Variants in CSPG5 observed in about 807,000 individuals in gnomAD.
CSPG5 encodes the protein chondroitin sulfate proteoglycan 5.
A neutral mutation model predicts 39.8 loss-of-function variants in CSPG5; 25 were observed. That is an observed-to-expected ratio of 0.63 (90% CI 0.46 to 0.88). CSPG5 has a LOEUF of 0.88. Among genes scored for constraint, CSPG5 ranks in the 40% least tolerant of loss-of-function variants. The pLI is 0.00. For missense variants in CSPG5, 627 were observed against 702.2 expected (o/e 0.89, Z 1.21); for synonymous variants, 295 against 303.9 (o/e 0.97, Z 0.31).
chr3:47,569,236 G>T lies in CSPG5; in HGVS notation c.1383-9C>A. On this transcript the variant is annotated splice_polypyrimidine_tract_variant and intron_variant, in intron 3 of 4. Coordinates refer to ENST00000264723, the MANE Select transcript of CSPG5 (RefSeq NM_006574.4). ...ATGGGGTCCGGAATTTGCTGGTTAGGAGAGAAGAGTGAAGGAAACATGTAA... is the reference window on the plus strand; with the variant it reads ...ATGGGGTCCGGAATTTGCTGGTTAGTAGAGAAGAGTGAAGGAAACATGTAA... The T allele has an allele frequency of 6.2e-7, 1 of 1,613,038 alleles. No individual in the cohort carries two copies. The highest frequency in any genetic ancestry group is 8.5e-7 in the Non-Finnish European group (1 of 1,179,234).
At chr3:47,566,764 G>C (rs2031316278) in intron 4 of CSPG5, among the ~76,000 whole-genome samples, 1 of 152,178 alleles carries the variant, frequency 6.6e-6, no homozygotes, top group African/African-American at 2.4e-5. Context: ...CTAAGGGATG[G>C]CTTGAGTGCC....
At chr3:47,570,746 T>C (rs1368754119) in intron 3 of CSPG5, among the ~76,000 whole-genome samples, 1 of 152,082 alleles carries the variant, frequency 6.6e-6, no homozygotes, top group East Asian at 1.9e-4. Context: ...GACCTCGTGA[T>C]CCACCCATCG....
In CSPG5 at chr3:47,562,460, A is replaced by T; in HGVS notation, c.*140T>A. 1.1e-6 allele frequency: 1 copy of T among 876,786 alleles called. No individual in the cohort carries two copies. The highest frequency in any genetic ancestry group is 1.7e-6 in the Non-Finnish European group (1 of 577,174). The allele number at this position is 876,786 out of a possible 1,614,324, so 54.3% of individuals were successfully genotyped here. A position where few individuals can be genotyped will look rare whatever the true frequency, so the allele number is the denominator to read the frequency against. ...TATTTTTTTGCCTCCTGTACAAAAT[A>T]CATAAAAGCATGCCATGAGATCAGA... On this transcript the variant is annotated 3_prime_UTR_variant, in exon 5 of 5. Coordinates refer to ENST00000264723, the MANE Select transcript of CSPG5 (RefSeq NM_006574.4).
Position 47,576,963 on chromosome 3 carries a change from T to G in CSPG5, c.1063A>C (p.Asn355His). ...EPGRDLASSE[N>H]GTECRSGFVR... is the part of the protein sequence containing the mutation. ...AAGCCACTGCGGCACTCAGTGCCATTTTCACTGGAGGCCAAGTCCCTGCCT... is the reference window on the plus strand; with the variant it reads ...AAGCCACTGCGGCACTCAGTGCCATGTTCACTGGAGGCCAAGTCCCTGCCT... The change falls in exon 2 of 5, where the codon AAT (asparagine) becomes CAT (histidine). Residue 355 changes from asparagine (N) to histidine (H), a missense_variant. By Grantham distance (68) the Asn-to-His change is moderately conservative. Transcript: ENST00000264723. 6.2e-7 allele frequency: 1 copy of G among 1,613,760 alleles called. No individual in the cohort carries two copies. The highest frequency in any genetic ancestry group is 8.5e-7 in the Non-Finnish European group (1 of 1,179,806).
At position 47,577,672 on chromosome 3, in the gene CSPG5, G is replaced by A. The variant is rs1460279438; in HGVS notation, c.354C>T (p.Gly118=). The A allele has an allele frequency of 2.9e-5, 47 of 1,595,970 alleles. No homozygotes were observed. The highest frequency in any genetic ancestry group is 4.0e-5 in the Non-Finnish European group (47 of 1,173,650). Reference sequence around the variant, plus strand: ...GCGTAGCTGGAAGGGCCTGGGCATCGCCGCTGCCCGCCTCTGCGGTCACTC... The same window carrying A: ...GCGTAGCTGGAAGGGCCTGGGCATCACCGCTGCCCGCCTCTGCGGTCACTC... ...LGGVTAEAGS[G]DAQALPATLQ... is the part of the protein sequence containing the mutation. The change falls in exon 2 of 5, where the codon GGC becomes GGT. Residue 118 remains glycine, a synonymous_variant. Coordinates refer to ENST00000264723, the MANE Select transcript of CSPG5 (RefSeq NM_006574.4). The surrounding 1 kb of genome is among the most constrained non-coding windows in gnomAD (Gnocchi z 4.7).
At chr3:47,562,881 T>C (rs2031142086) in intron 4 of CSPG5, 120 bp from the exon 5 acceptor site, 3 of 1,098,346 alleles carry the variant, frequency 2.7e-6, no homozygotes, top group Non-Finnish European at 2.5e-6. Context: ...GCTCCAAGAC[T>C]TGAATGAACT....
chr3:47,567,447 A>G (rs558123302), intron 4 of CSPG5, among the ~76,000 whole-genome samples: 4 of 152,084 alleles, frequency 2.6e-5, no homozygotes, highest in African/African-American at 9.6e-5. Context: ...AGTTTATAAG[A>G]CATAGTGTTT....
Position 47,576,908 on chromosome 3 carries a change from A to C in CSPG5, c.1118T>G (p.Val373Gly), listed in dbSNP as rs1434909045. 6.2e-7 allele frequency: 1 copy of C among 1,608,848 alleles called. No homozygotes were observed. The highest frequency in any genetic ancestry group is 8.5e-7 in the Non-Finnish European group (1 of 1,176,846). Residue 373 changes from valine to glycine, a missense_variant, in exon 2 of 5, where the codon GTG (valine) becomes GGG (glycine). Val to Gly is a moderately radical substitution (Grantham distance 109). Transcript: ENST00000264723. ...FVRHNGSCRS[V>G]CDLFPSYCHN... ...ACAGTAACTTGGGAAGAGGTCGCAC[A>C]CTGACCGGCAGGAGCCGTTATGCCG...
chr3:47,562,782 G>GC, intron 4 of CSPG5, 21 bp from the exon 5 acceptor site: 1 of 1,566,942 alleles, frequency 6.4e-7, no homozygotes, highest in African/African-American at 1.4e-5. Flanking sequence ...GAAAAAGTTG[G>GC]GGGGGGGGAG....
rs1296316274 is a variant in CSPG5, at chr3:47,578,309, A to AGGCCCCGCCCCGGCCCCGCCCC, written c.97+266_97+287dup. On this transcript the variant is annotated intron_variant, in intron 1 of 4. Transcript: ENST00000264723. The surrounding 1 kb of genome is among the most constrained non-coding windows in gnomAD (Gnocchi z 6.0). ...GGTCCCGCCCCGAAGTCTCACCCTC[A>AGGCCCCGCCCCGGCCCCGCCCC]GGCCCCGCCCCGGCCCCGCCCCGGC... 2.6e-4 allele frequency among the ~76,000 whole-genome samples: 36 copies of AGGCCCCGCCCCGGCCCCGCCCC among 138,448 alleles called. No homozygotes were observed. In the South Asian group the frequency reaches 2.8e-3, roughly 11 times the overall value. The allele number at this position is 138,448 out of a possible 152,430, so 90.8% of individuals were successfully genotyped here. A position where few individuals can be genotyped will look rare whatever the true frequency, so the allele number is the denominator to read the frequency against.
intron 2 of CSPG5, among the ~76,000 whole-genome samples, chr3:47,574,678 G>A (rs778889468): frequency 3.9e-5 from 6 of 152,184 alleles, no homozygotes; most frequent in South Asian, 2.1e-4. Context: ...GGTGGCTCAC[G>A]CCTGTAATCC....
At chr3:47,579,737 A>G (rs2031922501), upstream of CSPG5, 1 of 152,170 alleles carries the variant, frequency 6.6e-6, no homozygotes, top group Non-Finnish European at 1.5e-5. This position sits in a 1 kb window ranked among gnomAD's most constrained non-coding sequence, Gnocchi z 4.2. Context: ...TTGGCTTTAG[A>G]GTGATCTGTG....
chr3:47,563,133 T>G (rs1234087121), intron 4 of CSPG5, among the ~76,000 whole-genome samples: 1 of 152,220 alleles, frequency 6.6e-6, no homozygotes, highest in Admixed American at 6.5e-5. Flanking sequence ...TCCTCTGGCC[T>G]TCCATCCTGT....
intron 4 of CSPG5, among the ~76,000 whole-genome samples, chr3:47,566,677 G>A (rs950004901): frequency 6.6e-6 from 1 of 152,134 alleles, no homozygotes; most frequent in Non-Finnish European, 1.5e-5. Flanking sequence ...CTGGGTATTT[G>A]GTTACAATAA....
At position 47,571,249 on chromosome 3, in the gene CSPG5, G is replaced by A. The variant is rs1285484004; in HGVS notation, c.1382+1437C>T. ...GTCACACCATCAAAGCAGTAACCAG[G>A]CTTGGGAAAGAAAGAAGGCATGTGG... On this transcript the variant is annotated intron_variant, in intron 3 of 4. Coordinates refer to ENST00000264723, the MANE Select transcript of CSPG5 (RefSeq NM_006574.4). Among the ~76,000 whole-genome samples, 3 of 152,202 alleles carry A rather than the reference G, an allele frequency of 2.0e-5. No homozygotes were observed. The East Asian group carries it at 5.8e-4, about 29-fold the overall frequency.
At chr3:47,567,959 T>C (rs1345893990) in intron 4 of CSPG5, among the ~76,000 whole-genome samples, 1 of 152,190 alleles carries the variant, frequency 6.6e-6, no homozygotes, top group Non-Finnish European at 1.5e-5. Context: ...CTGCACTGTG[T>C]AATGTGGTAG....
At chr3:47,576,552 G>A (rs560366955) in intron 2 of CSPG5, among the ~76,000 whole-genome samples, 7 of 149,698 alleles carry the variant, frequency 4.7e-5, no homozygotes, top group Admixed American at 4.0e-4. Context: ...TCCACCCTCC[G>A]GGTTCAAATG....
At chr3:47,579,267 G>A (rs1044959231), upstream of CSPG5, 7 of 152,326 alleles carry the variant, frequency 4.6e-5, no homozygotes, top group Non-Finnish European at 1.0e-4. The surrounding 1 kb of genome is among the most constrained non-coding windows in gnomAD (Gnocchi z 4.2). Flanking sequence ...AGCCGCAGGG[G>A]GCGGAAGCAC....
In CSPG5 at chr3:47,576,989, G is replaced by C. The variant is rs746993899; in HGVS notation, c.1037C>G (p.Pro346Arg). ...SIALRPRPGEPGRDLASSENG... is the reference protein window; with the variant it reads ...SIALRPRPGERGRDLASSENG... ...TTCACTGGAGGCCAAGTCCCTGCCT[G>C]GCTCTCCTGGGCGGGGCCTGAGGGC... The change falls in exon 2 of 5, where the codon CCA (proline) becomes CGA (arginine). Residue 346 changes from proline to arginine, a missense_variant. Physicochemically the swap from Pro to Arg is moderately radical, Grantham distance 103. Transcript: ENST00000264723. 6.2e-7 allele frequency: 1 copy of C among 1,613,576 alleles called. No homozygotes were observed. Among genetic ancestry groups the C allele is most frequent in the South Asian group, 1.1e-5 (1 of 91,044 alleles).
Sources: allele counts gnomAD v4.1 joint callset (sites outside exome capture counted in the v4.1 genomes callset), GRCh38; gene constraint gnomAD v4.1.1; non-coding constraint Gnocchi (gnomAD v3.1); transcripts MANE v1.5; gene names NCBI Gene and HGNC (gene_info 2026-07-23, HGNC 2026-07-21).